The following FABP6 variants were observed in gnomAD, a reference collection of about 807,000 sequenced individuals.
FABP6 encodes the protein gastrotropin.
In FABP6, 13 loss-of-function variants were observed where a neutral mutation model predicts 14.9. The ratio of observed to expected loss-of-function variants is 0.87; its 90% CI spans 0.57 to 1.39. The LOEUF is 1.39. FABP6 is among the 40% of genes most tolerant of loss of function. The pLI is 0.00. For missense variants in FABP6, 161 were observed against 167.2 expected (o/e 0.96, Z 0.20); for synonymous variants, 75 against 63.6 (o/e 1.18, Z -0.85).
chr5:160,233,818 GC>G (rs1450721865), intron 2 of FABP6, among the ~76,000 whole-genome samples: 1 of 150,624 alleles, frequency 6.6e-6, no homozygotes, highest in Non-Finnish European at 1.5e-5. Context: ...GTTACAGTGA[GC>G]CGAGATCACA....
chr5:160,221,708 G>GA (rs1554113706), intron 3 of FABP6, among the ~76,000 whole-genome samples: 3 of 151,766 alleles, frequency 2.0e-5, no homozygotes, highest in Non-Finnish European at 4.4e-5. Context: ...AATGGATGGA[G>GA]TTTTTTTTCA....
At chr5:160,205,317 C>CAAAAA (rs1163175404) in intron 2 of FABP6, among the ~76,000 whole-genome samples, 6 of 67,022 alleles carry the variant, frequency 9.0e-5, no homozygotes, top group East Asian at 5.3e-4. Flanking sequence ...GACTTCATCT[C>CAAAAA]AAAAAAAAAA....
At chr5:160,227,408 T>C (rs1184480021), upstream of FABP6, among the ~76,000 whole-genome samples, 2 of 151,718 alleles carry the variant, frequency 1.3e-5, no homozygotes, top group South Asian at 2.1e-4. Flanking sequence ...GCACCTGTAG[T>C]CCCAGCTACT....
At chr5:160,216,832 G>A (rs1261319932) in intron 3 of FABP6, among the ~76,000 whole-genome samples, 2 of 152,160 alleles carry the variant, frequency 1.3e-5, no homozygotes, top group African/African-American at 2.4e-5. Context: ...GCTTAGCATG[G>A]TTGTCTGGTG....
At chr5:160,207,352 A>C (rs1759789643) in intron 2 of FABP6, among the ~76,000 whole-genome samples, 1 of 152,236 alleles carries the variant, frequency 6.6e-6, no homozygotes, top group Non-Finnish European at 1.5e-5. Context: ...TGGATAACCA[A>C]GACATTTTAG....
chr5:160,193,420 A>C (rs532047333), intron 1 of FABP6, among the ~76,000 whole-genome samples: 1 of 152,062 alleles, frequency 6.6e-6, no homozygotes, highest in South Asian at 2.1e-4. Context: ...AGGCTTCCAC[A>C]GTGTGGAAGG....
In FABP6 at chr5:160,193,107, C is replaced by T. The variant is rs149130336; in HGVS notation, c.-59+5653C>T. On this transcript the variant is annotated intron_variant, in intron 1 of 6. Transcript: ENST00000393980. ...TCAAGAATGAAGCCACGGACCCTTG[C>T]GGTGAGTGTTACAGCTCTTAAGGTG... 9.2e-5 allele frequency among the ~76,000 whole-genome samples: 14 copies of T among 152,304 alleles called. No individual in the cohort carries two copies. In the East Asian group the frequency reaches 2.7e-3, roughly 29 times the overall value.
chr5:160,199,278 A>G (rs764178238), intron 2 of FABP6: 21 of 979,546 alleles, frequency 2.1e-5, no homozygotes, highest in Non-Finnish European at 3.4e-5. Flanking sequence ...CTAATAACAG[A>G]CTTGTCATGG....
chr5:160,235,804 T>C (rs559935613), intron 3 of FABP6, among the ~76,000 whole-genome samples: 16 of 152,220 alleles, frequency 1.1e-4, no homozygotes, highest in African/African-American at 3.4e-4. Context: ...TCTCGCTTTC[T>C]TGTGCCCACA....
chr5:160,199,473 C>A lies in FABP6; in HGVS notation c.51+316C>A, dbSNP rs141290407. Among the ~76,000 whole-genome samples, 261 of 152,252 alleles carry A rather than the reference C, an allele frequency of 1.7e-3. 8 individuals carry two copies. In the East Asian group the frequency reaches 0.024, roughly 14 times the overall value. On this transcript the variant is annotated intron_variant, in intron 2 of 6. Coordinates refer to the FABP6 transcript ENST00000393980. ...GCCCCCTGGCCCCCTGGGCTCACCC[C>A]CTCCTGCGCCACCCCGGGCCGTGCC...
rs187787187 is a variant in FABP6 at position 160,194,207 on chromosome 5, C to T, written c.-58-4842C>T. ...TGCTCCCAGTGCGGGACCCACCAAG[C>T]CCACGCCCACCGGCAACTCCAGCTG... On this transcript the variant is annotated intron_variant, in intron 1 of 6. Coordinates refer to the FABP6 transcript ENST00000393980. 7.4e-4 allele frequency among the ~76,000 whole-genome samples: 113 copies of T among 152,332 alleles called. 1 individual carries two copies. In the East Asian group the frequency reaches 0.017, roughly 23 times the overall value.
chr5:160,212,097 C>T (rs1223318892), intron 2 of FABP6, among the ~76,000 whole-genome samples: 2 of 151,600 alleles, frequency 1.3e-5, no homozygotes, highest in Non-Finnish European at 2.9e-5. Context: ...AAGCTATTCT[C>T]CTGCCTCAGC....
intron 1 of FABP6, among the ~76,000 whole-genome samples, chr5:160,194,628 C>A (rs1759474417): frequency 1.3e-5 from 2 of 152,284 alleles, no homozygotes; most frequent in South Asian, 4.1e-4. Context: ...ACCAGGGACA[C>A]CCTCTGCGTA....
chr5:160,218,781 T>C (rs1376191749), intron 3 of FABP6, among the ~76,000 whole-genome samples: 1 of 149,952 alleles, frequency 6.7e-6, no homozygotes, highest in East Asian at 2.0e-4. Flanking sequence ...TTTTATGAGT[T>C]GGGGTCTCAT....
intron 1 of FABP6, among the ~76,000 whole-genome samples, chr5:160,188,743 C>T (rs1759340675): frequency 1.3e-5 from 2 of 152,198 alleles, no homozygotes; most frequent in African/African-American, 4.8e-5. Context: ...GTCTCTGGGC[C>T]TCAGATTTTC....
intron 1 of FABP6, among the ~76,000 whole-genome samples, chr5:160,190,954 T>TGA (rs1006818844): frequency 1.5e-5 from 1 of 66,586 alleles, no homozygotes; most frequent in Non-Finnish European, 2.8e-5. Context: ...CTACTAAACA[T>TGA]GAAAAAAAAA....
chr5:160,205,959 T>C (rs1759756411), intron 2 of FABP6, among the ~76,000 whole-genome samples: 1 of 152,168 alleles, frequency 6.6e-6, no homozygotes, highest in Admixed American at 6.5e-5. Context: ...TCTCTTTTCT[T>C]TTTTCTTTTC....
chr5:160,223,332 C>CCTTCCTTCCTTCCTT (rs1760168181), intron 3 of FABP6, among the ~76,000 whole-genome samples: 3 of 93,408 alleles, frequency 3.2e-5, no homozygotes, highest in African/African-American at 1.0e-4. Context: ...TTTTTGCCCG[C>CCTTCCTTCCTTCCTT]CCTTCCTTCC....
chr5:160,200,793 G>A (rs571956714), intron 2 of FABP6, among the ~76,000 whole-genome samples: 13 of 152,218 alleles, frequency 8.5e-5, no homozygotes, highest in African/African-American at 3.1e-4. Flanking sequence ...CATCTCTTGG[G>A]ATGGCTCCAC....
Sources: gnomAD v4.1 joint callset for allele counts (sites outside exome capture counted in the v4.1 genomes callset) on GRCh38, gnomAD v4.1.1 for gene constraint, MANE v1.5 for transcripts, NCBI Gene and HGNC (gene_info 2026-07-23, HGNC 2026-07-21) for gene names.